The following BTF3 variants were observed in gnomAD, a reference collection of about 807,000 sequenced individuals.
BTF3 encodes transcription factor BTF3.
Under a neutral mutation model 23.9 loss-of-function variants are expected in BTF3, and 12 were observed. The ratio of observed to expected loss-of-function variants is 0.50; its 90% CI spans 0.32 to 0.81. The LOEUF (loss-of-function observed/expected upper bound fraction) is 0.81. Among genes scored for constraint, BTF3 ranks in the 40% least tolerant of loss-of-function variants. The pLI, the probability that BTF3 is intolerant of heterozygous loss-of-function variation, is 0.03. For missense variants in BTF3, 215 were observed against 255.9 expected (o/e 0.84, Z 1.09); for synonymous variants, 96 against 94.8 (o/e 1.01, Z -0.07).
At chr5:73,502,677 GT>G (rs35246204) in intron 3 of BTF3, 76 bp downstream of exon 3, 203,245 of 768,058 alleles carry the variant, frequency 0.26, 7,698 homozygotes, top group Non-Finnish European at 0.31. Context: ...TAAATGGGTT[GT>G]TTTTTTTTTT....
At chr5:73,499,421 T>C (rs1407312351) in intron 2 of BTF3, 2 of 655,918 alleles carry the variant, frequency 3.0e-6, no homozygotes, top group African/African-American at 3.8e-5. Context: ...ATGTTTGTGT[T>C]TTCAGTGTTA....
intron 2 of BTF3, 100 bp downstream of exon 2, chr5:73,499,302 T>G (rs765395512): frequency 3.0e-5 from 40 of 1,324,518 alleles, no homozygotes; most frequent in Non-Finnish European, 3.9e-5. Flanking sequence ...GGTGACAAAC[T>G]TTGCCTATCG....
At chr5:73,503,896 C>T (rs887638319) in intron 4 of BTF3, among the ~76,000 whole-genome samples, 2 of 152,186 alleles carry the variant, frequency 1.3e-5, no homozygotes, top group South Asian at 2.1e-4. Flanking sequence ...TTACCACTCA[C>T]AGACTCTTTA....
chr5:73,500,374 G>A (rs536564011), intron 2 of BTF3, among the ~76,000 whole-genome samples: 1 of 152,276 alleles, frequency 6.6e-6, no homozygotes, highest in African/African-American at 2.4e-5. Flanking sequence ...TTCAGAAGGA[G>A]TAATTTGAAT....
Position 73,504,406 on chromosome 5 carries a change from A to G in BTF3, c.574+3A>G. 2 of 1,600,996 alleles carry G rather than the reference A, an allele frequency of 1.2e-6. No individual in the cohort carries two copies. The highest frequency in any genetic ancestry group is 1.7e-6 in the Non-Finnish European group (2 of 1,173,996). On this transcript the variant is annotated splice_donor_region_variant and intron_variant, in intron 5 of 5. Coordinates refer to ENST00000380591, the MANE Select transcript of BTF3 (RefSeq NM_001037637.2). ...GGATGATGATGATGAAGTTCCAGGT[A>G]GGAACGTTTACTTGTGGTTAACCTA...
chr5:73,505,143 T>G (rs1421615100), intron 5 of BTF3, 49 bp from the exon 6 acceptor site: 1 of 1,445,906 alleles, frequency 6.9e-7, no homozygotes. Context: ...CTGATAATTA[T>G]TTGTAGATTT....
Position 73,505,272 on chromosome 5 carries a change from A to T in BTF3, c.*34A>T, listed in dbSNP as rs1250054774. On this transcript the variant is annotated 3_prime_UTR_variant, in exon 6 of 6. Coordinates refer to ENST00000380591, the MANE Select transcript of BTF3 (RefSeq NM_001037637.2). ...AACTTCTGAAGATAAAACCTGAAGA[A>T]GTTACTGGGAGCTGCTATTTTATAT... 1 of 1,586,380 alleles carries T rather than the reference A, an allele frequency of 6.3e-7. No homozygotes were observed. Among genetic ancestry groups the T allele is most frequent in the Admixed American group, 1.7e-5 (1 of 57,240 alleles).
Position 73,498,729 on chromosome 5 carries a change from G to T in BTF3, c.62G>T (p.Gly21Val). The part of the protein sequence containing the change: ...DSRGRGRARG[G>V]CPGGEATLSQ... ...CGGGGGCGAGGTCGAGCCAGGGGCG[G>T]CTGCCCTGGGGGCGAGGCGACGCTG... Residue 21 changes from glycine to valine, a missense_variant, in exon 1 of 6, where the codon GGC becomes GTC. Transcript: ENST00000380591. The T allele has an allele frequency of 6.7e-7, 1 of 1,488,924 alleles. No individual in the cohort carries two copies. Among genetic ancestry groups the T allele is most frequent in the Middle Eastern group, 1.9e-4 (1 of 5,168 alleles). The allele number at this position is 1,488,924 out of a possible 1,614,324, so 92.2% of individuals were successfully genotyped here. A position where few individuals can be genotyped will look rare whatever the true frequency, so the allele number is the denominator to read the frequency against.
At position 73,502,529 on chromosome 5, in the gene BTF3, C is replaced by T. The variant is rs1424714855; in HGVS notation, c.243C>T (p.Ala81=). ...RRKKKVVHRT[A]TADDKKLQFS... is the part of the protein sequence containing the mutation. ...AGAAGAAGGTGGTTCATAGAACAGC[C>T]ACAGCAGATGACAAAAAACTTCAGT... The change falls in exon 3 of 6, where the codon GCC becomes GCT. Residue 81 remains alanine, a synonymous_variant. Transcript: ENST00000380591. 7.5e-6 allele frequency: 12 copies of T among 1,609,964 alleles called. No homozygotes were observed. Among genetic ancestry groups the T allele is most frequent in the Non-Finnish European group, 9.3e-6 (11 of 1,178,968 alleles).
In BTF3 at chr5:73,498,731, T is replaced by G; in HGVS notation, c.64T>G (p.Cys22Gly). 3 of 1,489,204 alleles carry G rather than the reference T, an allele frequency of 2.0e-6. No individual in the cohort carries two copies. The highest frequency in any genetic ancestry group is 1.8e-6 in the Non-Finnish European group (2 of 1,130,222). 92.2% of individuals were successfully genotyped at this position (1,489,204 alleles called of 1,614,324 possible). The change falls in exon 1 of 6, where the codon TGC (cysteine) becomes GGC (glycine). Residue 22 changes from cysteine (C) to glycine (G), a missense_variant. Physicochemically the swap from Cys to Gly is radical, Grantham distance 159. Around this residue, in one of 2 missense-constraint regions of BTF3, gnomAD observed 116 missense variants for 84.7 expected, o/e 1.37. Coordinates refer to ENST00000380591, the MANE Select transcript of BTF3 (RefSeq NM_001037637.2). ...SRGRGRARGG[C>G]PGGEATLSQP... is the part of the protein sequence containing the mutation. ...GGGGCGAGGTCGAGCCAGGGGCGGC[T>G]GCCCTGGGGGCGAGGCGACGCTGTC...
chr5:73,502,440 G>T (rs756027507), intron 2 of BTF3, 48 bp from the exon 3 acceptor site: 2 of 1,303,472 alleles, frequency 1.5e-6, no homozygotes, highest in Non-Finnish European at 2.1e-6. Flanking sequence ...AAAAATATCT[G>T]TTGTGGTATA....
chr5:73,500,251 C>T (rs1746403864), intron 2 of BTF3, among the ~76,000 whole-genome samples: 1 of 152,170 alleles, frequency 6.6e-6, no homozygotes, highest in Non-Finnish European at 1.5e-5. Context: ...CCTCTTTAAT[C>T]AATTGTTATC....
intron 2 of BTF3, 97 bp downstream of exon 2, chr5:73,499,299 A>G (rs777735194): frequency 9.0e-6 from 12 of 1,336,440 alleles, no homozygotes; most frequent in Non-Finnish European, 1.2e-5. Flanking sequence ...ATCGGTGACA[A>G]ACTTTGCCTA....
At chr5:73,498,844 G>A (rs1424858464) in intron 1 of BTF3, 45 bp downstream of exon 1, 6 of 1,499,098 alleles carry the variant, frequency 4.0e-6, no homozygotes, top group Non-Finnish European at 5.3e-6. Context: ...GCAGGCCCTG[G>A]CTAGGCCGAG....
At chr5:73,504,834 T>C (rs547635972) in intron 5 of BTF3, 23 of 222,134 alleles carry the variant, frequency 1.0e-4, no homozygotes, top group Non-Finnish European at 1.6e-4. Context: ...TTTTGTCTCT[T>C]ACCTGTTATT....
chr5:73,499,399 C>T (rs930833084), intron 2 of BTF3, 197 bp downstream of exon 2: 1 of 687,772 alleles, frequency 1.5e-6, no homozygotes, highest in African/African-American at 1.8e-5. Flanking sequence ...AAAACATCGC[C>T]TTTGTGTAAA....
At position 73,498,810 on chromosome 5, in the gene BTF3, G is replaced by A. The variant is rs1369974230; in HGVS notation, c.132+11G>A. On this transcript the variant is annotated intron_variant, in intron 1 of 5. Transcript: ENST00000380591. Reference sequence around the variant, plus strand: ...GGACAGGAGCCTCAGGTACCGCGAGGCTTGCGGAGAGTGGCCGGGCCGGGC... The same window carrying A: ...GGACAGGAGCCTCAGGTACCGCGAGACTTGCGGAGAGTGGCCGGGCCGGGC... The A allele has an allele frequency of 6.6e-6, 10 of 1,506,978 alleles. No homozygotes were observed. Among genetic ancestry groups the A allele is most frequent in the African/African-American group, 1.4e-5 (1 of 69,794 alleles). 93.4% of individuals were successfully genotyped at this position (1,506,978 alleles called of 1,614,324 possible).
chr5:73,504,278 T>C (rs1746505920), intron 4 of BTF3, 69 bp from the exon 5 acceptor site: 3 of 653,430 alleles, frequency 4.6e-6, no homozygotes, highest in Admixed American at 4.4e-5. Flanking sequence ...TTTTTTTTTT[T>C]TTTTTTTTTT....
At chr5:73,501,197 T>C (rs1746427808) in intron 2 of BTF3, among the ~76,000 whole-genome samples, 2 of 152,118 alleles carry the variant, frequency 1.3e-5, no homozygotes, top group Admixed American at 1.3e-4. Flanking sequence ...TTGCAGAATT[T>C]AGGAAAGGCA....
Sources: gnomAD v4.1 joint callset for allele counts (sites outside exome capture counted in the v4.1 genomes callset) on GRCh38, gnomAD v4.1.1 for gene constraint, gnomAD v4.1.1 regional missense constraint, MANE v1.5 for transcripts, NCBI Gene and HGNC (gene_info 2026-07-23, HGNC 2026-07-21) for gene names.